OAS2: variants seen among roughly 807,000 people sequenced by gnomAD.
The protein encoded by OAS2 is 2'-5'-oligoadenylate synthetase 2.
Under a neutral mutation model 71.3 loss-of-function variants are expected in OAS2, and 67 were observed. The observed-to-expected ratio is 0.94, with a 90% CI of 0.77 to 1.15. The LOEUF is 1.15. Ranked by LOEUF, OAS2 falls within the 50% of genes most tolerant of loss-of-function variation. OAS2 has a pLI of 0.00. For missense variants in OAS2, 789 were observed against 822.5 expected (o/e 0.96, Z 0.50); for synonymous variants, 327 against 321.8 (o/e 1.02, Z -0.17).
At chr12:112,979,872 C>A (rs992013372) in intron 1 of OAS2, among the ~76,000 whole-genome samples, 3 of 152,214 alleles carry the variant, frequency 2.0e-5, no homozygotes, top group Admixed American at 6.5e-5. Context: ...GACCAACTAT[C>A]CCAGTTCATC....
At chr12:112,980,459 CT>C (rs929337957) in intron 1 of OAS2, among the ~76,000 whole-genome samples, 2 of 152,148 alleles carry the variant, frequency 1.3e-5, no homozygotes, top group African/African-American at 4.8e-5. Flanking sequence ...ATGAGATCAA[CT>C]TTTTTTAACT....
In OAS2 at chr12:113,006,471, G is replaced by C. The variant is rs770617688; in HGVS notation, c.1527G>C (p.Leu509=). 5.0e-6 allele frequency: 8 copies of C among 1,613,034 alleles called. No homozygotes were observed. The Admixed American group carries it at 1.2e-4, about 24-fold the overall frequency. Residue 509 remains leucine (L), a synonymous_variant, in exon 8 of 10, where the codon CTG becomes CTC. Coordinates refer to ENST00000392583, the MANE Select transcript of OAS2 (RefSeq NM_002535.3). ...SPEVYAGLID[L]YKSSDLPGGE... is the part of the protein sequence containing the mutation. ...AGGTTTATGCAGGGCTCATTGATCT[G>C]TATAAATCCTCGGACCTCCCGGGAG...
chr12:113,004,996 C>G lies in OAS2; in HGVS notation c.1242C>G (p.Phe414Leu), dbSNP rs2044318112. The change falls in exon 7 of 10, where the codon TTC becomes TTG. Residue 414 changes from phenylalanine (F) to leucine (L), a missense_variant. Transcript: ENST00000392583. ...GCTCTGATGCCGATCTCGTCGTGTT[C>G]CATAACTCACTTAAAAGCTACACCT... ...KTGSDADLVV[F>L]HNSLKSYTSQ... is the part of the protein sequence containing the mutation. 7.4e-6 allele frequency: 12 copies of G among 1,614,010 alleles called. No homozygotes were observed. The highest frequency in any genetic ancestry group is 1.0e-5 in the Non-Finnish European group (12 of 1,179,996).
chr12:112,981,550 C>T (rs1011700181), intron 1 of OAS2, among the ~76,000 whole-genome samples: 1 of 152,062 alleles, frequency 6.6e-6, no homozygotes, highest in Admixed American at 6.6e-5. Context: ...TCTGGGTTCT[C>T]GATTCTGTTC....
intron 1 of OAS2, among the ~76,000 whole-genome samples, chr12:112,982,478 T>G (rs2044093080): frequency 6.6e-6 from 1 of 152,214 alleles, no homozygotes; most frequent in South Asian, 2.1e-4. Flanking sequence ...TGTTCAACAT[T>G]TGTTGACTTG....
intron 5 of OAS2, among the ~76,000 whole-genome samples, chr12:113,002,230 A>G (rs115433104): frequency 0.014 from 2,198 of 152,306 alleles, 49 homozygotes; most frequent in African/African-American, 0.05. Flanking sequence ...TTAAAAATTA[A>G]AATTAAGAGG....
chr12:112,988,201 G>C, intron 2 of OAS2: 1 of 985,448 alleles, frequency 1.0e-6, no homozygotes, highest in Non-Finnish European at 1.2e-6. Context: ...GGTTTAGGTT[G>C]AAGGATTAAT....
intron 5 of OAS2, 92 bp from the exon 6 acceptor site, chr12:113,002,840 G>T (rs2044301132): frequency 8.8e-7 from 1 of 1,137,106 alleles, no homozygotes; most frequent in Non-Finnish European, 1.3e-6. Context: ...AGTTGGGAGA[G>T]GCAGGGTAGG....
Position 112,995,438 on chromosome 12 carries a change from G to T in OAS2, c.591G>T (p.Lys197Asn). 2 of 1,614,012 alleles carry T rather than the reference G, an allele frequency of 1.2e-6. No homozygotes were observed. Among genetic ancestry groups the T allele is most frequent in the Non-Finnish European group, 1.7e-6 (2 of 1,179,964 alleles). ...KFFDNRPGKL[K>N]DLILLIKHWH... is the part of the protein sequence containing the mutation. Reference sequence around the variant, plus strand: ...TTGACAACCGTCCTGGAAAACTAAAGGATTTGATCCTCTTGATAAAGCACT... The same window carrying T: ...TTGACAACCGTCCTGGAAAACTAAATGATTTGATCCTCTTGATAAAGCACT... The change falls in exon 3 of 10, where the codon AAG becomes AAT. Residue 197 changes from lysine to asparagine, a missense_variant. Lys to Asn is a moderately conservative substitution (Grantham distance 94). Transcript: ENST00000392583.
intron 5 of OAS2, among the ~76,000 whole-genome samples, chr12:113,001,887 A>AAG (rs2044293844): frequency 9.0e-6 from 1 of 110,716 alleles, no homozygotes; most frequent in African/African-American, 3.9e-5. Flanking sequence ...AAAAAAAAAA[A>AAG]AGCTAGGCGT....
In OAS2 at chr12:112,998,526, G is replaced by A. The variant is rs905130603; in HGVS notation, c.1008+116G>A. 6.0e-6 allele frequency: 7 copies of A among 1,166,312 alleles called. No homozygotes were observed. The African/African-American group carries it at 9.7e-5, about 16-fold the overall frequency. 72.2% of individuals were successfully genotyped at this position (1,166,312 alleles called of 1,614,324 possible). On this transcript the variant is annotated intron_variant, in intron 5 of 9. Transcript: ENST00000392583. ...TCGTTTCCTGTATTGCTGTTACAAA[G>A]TTCCACAACACAGATGGCTTAAAGC...
At chr12:112,982,774 G>A (rs1271451935) in intron 1 of OAS2, among the ~76,000 whole-genome samples, 1 of 152,136 alleles carries the variant, frequency 6.6e-6, no homozygotes, top group Non-Finnish European at 1.5e-5. Context: ...TATAAGTTTG[G>A]TAGAGTTCAG....
intron 4 of OAS2, 75 bp from the exon 5 acceptor site, chr12:112,998,191 G>T: frequency 5.2e-6 from 8 of 1,529,484 alleles, no homozygotes; most frequent in Middle Eastern, 3.4e-4. Context: ...CCCACTCCAG[G>T]CCTCTTTCCC....
chr12:112,980,594 A>G (rs1159967132), intron 1 of OAS2, among the ~76,000 whole-genome samples: 2 of 152,146 alleles, frequency 1.3e-5, no homozygotes, highest in Non-Finnish European at 2.9e-5. Flanking sequence ...TCTGAATAGT[A>G]TTCTATTGTG....
chr12:113,009,324 T>A lies in OAS2; in HGVS notation c.*69T>A. On this transcript the variant is annotated 3_prime_UTR_variant, in exon 10 of 10. Transcript: ENST00000392583. ...AAGAACTTCTCCTACTGTAGCAACC[T>A]GAAATTAACTCAGACACAAATAAAG... is the stretch of plus-strand genomic sequence containing the variant. 1 of 1,565,842 alleles carries A rather than the reference T, an allele frequency of 6.4e-7. No homozygotes were observed. The highest frequency in any genetic ancestry group is 1.2e-5 in the South Asian group (1 of 82,518).
rs189556423 is a variant in OAS2 at position 112,980,875 on chromosome 12, C to T, written c.177+2090C>T. 1.2e-4 allele frequency among the ~76,000 whole-genome samples: 19 copies of T among 152,100 alleles called. No homozygotes were observed. The South Asian group carries it at 2.5e-3, about 20-fold the overall frequency. ...TCCCTTTACTCCAAATCCTTGCTAG[C>T]GTTTATTTTTTGTCTTTTTGATAAT... On this transcript the variant is annotated intron_variant, in intron 1 of 9. Coordinates refer to ENST00000392583, the MANE Select transcript of OAS2 (RefSeq NM_002535.3).
chr12:112,994,112 C>A (rs1311731644), intron 2 of OAS2, among the ~76,000 whole-genome samples: 1 of 152,158 alleles, frequency 6.6e-6, no homozygotes, highest in Non-Finnish European at 1.5e-5. Flanking sequence ...CTGAAACTCA[C>A]CAGTCACTGC....
intron 5 of OAS2, among the ~76,000 whole-genome samples, chr12:112,999,321 ATC>A (rs1281118165): frequency 1.3e-5 from 2 of 152,228 alleles, no homozygotes; most frequent in Non-Finnish European, 2.9e-5. Flanking sequence ...GAGAAAAGCC[ATC>A]CAAGAAGAAC....
intron 3 of OAS2, 148 bp downstream of exon 3, chr12:112,995,622 G>A (rs1443742992): frequency 2.4e-5 from 18 of 750,216 alleles, no homozygotes; most frequent in East Asian, 1.1e-4. Context: ...CATAGGGAAC[G>A]TTTCGTGTAC....
Sources: gnomAD v4.1 joint callset for allele counts (sites outside exome capture counted in the v4.1 genomes callset) on GRCh38, gnomAD v4.1.1 for gene constraint, MANE v1.5 for transcripts, NCBI Gene and HGNC (gene_info 2026-07-23, HGNC 2026-07-21) for gene names.